The following THSD4 variants were observed in gnomAD, a reference collection of about 807,000 sequenced individuals.
THSD4 encodes the protein thrombospondin type-1 domain-containing protein 4.
THSD4 carries 69 observed loss-of-function variants against 119.0 expected under a neutral mutation model. The ratio of observed to expected loss-of-function variants is 0.58; its 90% confidence interval spans 0.48 to 0.71. The LOEUF (loss-of-function observed/expected upper bound fraction) is 0.71, where lower values mean the gene tolerates loss of function less well. Ranked by LOEUF, THSD4 falls within the 30% of genes least tolerant of loss-of-function variation. THSD4 has a pLI of 0.00. For missense variants in THSD4, 1,393 were observed against 1,391.1 expected (o/e 1.00, Z -0.02); for synonymous variants, 524 against 540.4 (o/e 0.97, Z 0.42).
At position 71,782,258 on chromosome 15, in the gene THSD4, G is replaced by T. The variant is rs1044451271; in HGVS notation, c.*4884G>T. On this transcript the variant is annotated 3_prime_UTR_variant, in exon 18 of 18. Transcript: ENST00000261862. ...TTCAGCAGATAATGATGGAGGGGGG[G>T]GGTGTCCATCGTGCTGAGGGTGTGA... The T allele has an allele frequency of 2.0e-5, 3 of 151,902 alleles. No homozygotes were observed. Among genetic ancestry groups the T allele is most frequent in the East Asian group, 3.9e-4 (2 of 5,194 alleles). The allele number at this position is 151,902 out of a possible 1,614,324, so 9.4% of individuals were successfully genotyped here. A position where few individuals can be genotyped will look rare whatever the true frequency, so the allele number is the denominator to read the frequency against.
At chr15:71,348,252 A>G (rs2140401273) in intron 6 of THSD4, 1 of 152,288 alleles carries the variant, frequency 6.6e-6, no homozygotes, top group South Asian at 2.1e-4. Flanking sequence ...TTCAAACTTT[A>G]ATGTGCGGAA....
intron 6 of THSD4, among the ~76,000 whole-genome samples, chr15:71,292,062 C>T (rs2044799498): frequency 6.6e-6 from 1 of 152,218 alleles, no homozygotes; most frequent in Non-Finnish European, 1.5e-5. Flanking sequence ...GCACCCTAGA[C>T]TTGACATAAT....
intron 6 of THSD4, among the ~76,000 whole-genome samples, chr15:71,288,748 C>T (rs1200560226): frequency 2.0e-5 from 3 of 152,204 alleles, no homozygotes; most frequent in African/African-American, 7.2e-5. Flanking sequence ...ACAGCATCCA[C>T]GTACACTTAA....
intron 8 of THSD4, among the ~76,000 whole-genome samples, chr15:71,674,959 T>C (rs1178868068): frequency 1.3e-5 from 2 of 152,208 alleles, no homozygotes; most frequent in Non-Finnish European, 2.9e-5. Context: ...GCCACTTATT[T>C]CAGAATGATA....
At chr15:71,431,681 G>A (rs1251696556) in intron 7 of THSD4, among the ~76,000 whole-genome samples, 1 of 151,886 alleles carries the variant, frequency 6.6e-6, no homozygotes, top group African/African-American at 2.4e-5. Flanking sequence ...CAGAAACGTG[G>A]TCTTGGGTGG....
intron 7 of THSD4, among the ~76,000 whole-genome samples, chr15:71,610,039 G>A (rs1567061259): frequency 1.3e-5 from 2 of 152,068 alleles, no homozygotes; most frequent in East Asian, 3.9e-4. Flanking sequence ...ACAATAAAGA[G>A]GTGAAAACTG....
At chr15:71,684,404 C>T (rs2051862718) in intron 8 of THSD4, among the ~76,000 whole-genome samples, 1 of 152,004 alleles carries the variant, frequency 6.6e-6, no homozygotes, top group South Asian at 2.1e-4. Context: ...AATGTGAATG[C>T]TCCTAATTTT....
intron 7 of THSD4, among the ~76,000 whole-genome samples, chr15:71,440,928 A>G (rs2047079341): frequency 6.6e-6 from 1 of 152,060 alleles, no homozygotes; most frequent in Admixed American, 6.6e-5. Flanking sequence ...TGCTCTTCAG[A>G]CTCAGTTCTG....
chr15:71,776,627 T>C (rs952850166), intron 17 of THSD4, among the ~76,000 whole-genome samples: 2 of 152,146 alleles, frequency 1.3e-5, no homozygotes, highest in Non-Finnish European at 2.9e-5. Flanking sequence ...ATATACCTTA[T>C]GACCCAGCAA....
At chr15:71,763,554 A>ATT (rs10647138) in intron 15 of THSD4, among the ~76,000 whole-genome samples, 1 of 145,034 alleles carries the variant, frequency 6.9e-6, no homozygotes, top group African/African-American at 2.6e-5. Flanking sequence ...CTAAAAACAA[A>ATT]TTTTTTTTTT....
chr15:71,168,860 TG>T (rs2043322553), intron 3 of THSD4, among the ~76,000 whole-genome samples: 1 of 152,172 alleles, frequency 6.6e-6, no homozygotes, highest in African/African-American at 2.4e-5. Context: ...AAAACAGTAA[TG>T]CTCCTAGAGG....
At chr15:71,154,762 T>A (rs2040759266) in intron 2 of THSD4, 101 bp from the exon 3 acceptor site, 1 of 1,223,862 alleles carries the variant, frequency 8.2e-7, no homozygotes, top group African/African-American at 1.5e-5. Context: ...GGTTGGGCTG[T>A]TCCCCCCCCA....
At chr15:71,671,458 T>C (rs889020808) in intron 8 of THSD4, among the ~76,000 whole-genome samples, 2 of 152,236 alleles carry the variant, frequency 1.3e-5, no homozygotes, top group Non-Finnish European at 1.5e-5. Flanking sequence ...GATGGTAGTT[T>C]GTTTTGCTGT....
rs547323630 is a variant in THSD4 at position 71,716,494 on chromosome 15, G to A, written c.1358-12055G>A. Among the ~76,000 whole-genome samples, 3 of 151,546 alleles carry A rather than the reference G, an allele frequency of 2.0e-5. No homozygotes were observed. The South Asian group carries it at 6.3e-4, about 32-fold the overall frequency. On this transcript the variant is annotated intron_variant, in intron 8 of 17. Transcript: ENST00000261862. ...TGCACTGTAGTACTACGCTAGAATC[G>A]CACTGGAGTATTGATTTAATTCTTT... is the stretch of plus-strand genomic sequence containing the variant.
At chr15:71,448,097 G>C (rs773882096) in intron 7 of THSD4, among the ~76,000 whole-genome samples, 6 of 152,190 alleles carry the variant, frequency 3.9e-5, no homozygotes, top group Non-Finnish European at 7.3e-5. Context: ...TCAGGGTTCT[G>C]TTAGGGTCAC....
chr15:71,641,736 AAAG>A (rs1403775397), intron 7 of THSD4, among the ~76,000 whole-genome samples: 1 of 152,190 alleles, frequency 6.6e-6, no homozygotes, highest in African/African-American at 2.4e-5. Flanking sequence ...TTTGTCACAG[AAAG>A]AAGATTCATT....
chr15:71,566,280 T>C (rs2049238409), intron 7 of THSD4, among the ~76,000 whole-genome samples: 2 of 152,030 alleles, frequency 1.3e-5, no homozygotes, highest in Admixed American at 1.3e-4. Context: ...AAAATAAAAA[T>C]GCAAACTACT....
intron 7 of THSD4, among the ~76,000 whole-genome samples, chr15:71,635,283 T>C (rs2050717629): frequency 6.6e-6 from 1 of 152,062 alleles, no homozygotes; most frequent in Non-Finnish European, 1.5e-5. Flanking sequence ...ATGAAAAAGC[T>C]TCTTAGACAA....
At chr15:71,630,273 G>C (rs577556132) in intron 7 of THSD4, among the ~76,000 whole-genome samples, 1 of 152,146 alleles carries the variant, frequency 6.6e-6, no homozygotes, top group African/African-American at 2.4e-5. Flanking sequence ...GAGGGGAAAC[G>C]GGGATGCTAA....
Sources: gnomAD v4.1 joint callset for allele counts (sites outside exome capture counted in the v4.1 genomes callset) on GRCh38, gnomAD v4.1.1 for gene constraint, MANE v1.5 for transcripts, NCBI Gene and HGNC (gene_info 2026-07-23, HGNC 2026-07-21) for gene names.